NXPH1: variants seen among roughly 807,000 people sequenced by gnomAD.
The protein encoded by NXPH1 is neurexophilin 1, also known as neurexophilin-1.
Under a neutral mutation model 23.7 loss-of-function variants are expected in NXPH1, and 5 were observed. The observed-to-expected ratio is 0.21, with a 90% CI of 0.11 to 0.44. The LOEUF is 0.44. Among genes scored for constraint, NXPH1 ranks in the 20% least tolerant of loss-of-function variants. NXPH1 has a pLI of 0.99. For synonymous variants in NXPH1, 144 were observed against 122.2 expected (o/e 1.18, Z -1.18); for missense variants, 324 against 321.6 (o/e 1.01, Z -0.06).
At position 8,671,059 on chromosome 7, in the gene NXPH1, C is replaced by T. The variant is rs1400729761; in HGVS notation, c.55-79949C>T. On this transcript the variant is annotated intron_variant, in intron 2 of 2. Coordinates refer to ENST00000405863, the MANE Select transcript of NXPH1 (RefSeq NM_152745.3). ...CTGTGGACAGTTAAGACAGGCACTC[C>T]ACAGATACATACCATTCAACTCTAA... Among the ~76,000 whole-genome samples the T allele has an allele frequency of 3.3e-5, 5 of 152,250 alleles. No individual in the cohort carries two copies. In the East Asian group the frequency reaches 9.7e-4, roughly 29 times the overall value.
At chr7:8,542,361 C>T (rs1033842131) in intron 2 of NXPH1, among the ~76,000 whole-genome samples, 1 of 151,376 alleles carries the variant, frequency 6.6e-6, no homozygotes, top group Non-Finnish European at 1.5e-5. Context: ...ACTTTTATAG[C>T]AGTGAGAGAG....
chr7:8,604,939 A>G (rs1583187028), intron 2 of NXPH1, among the ~76,000 whole-genome samples: 2 of 152,190 alleles, frequency 1.3e-5, no homozygotes, highest in South Asian at 4.1e-4. Flanking sequence ...ATATGGAAAT[A>G]GTAACATGCT....
chr7:8,578,977 T>C (rs373195192), intron 2 of NXPH1, among the ~76,000 whole-genome samples: 85 of 152,244 alleles, frequency 5.6e-4, no homozygotes, highest in African/African-American at 1.8e-3. Flanking sequence ...CAGGTATGGA[T>C]GGAGCAGGAC....
At chr7:8,557,757 C>G (rs116420148) in intron 2 of NXPH1, among the ~76,000 whole-genome samples, 5 of 151,814 alleles carry the variant, frequency 3.3e-5, no homozygotes, top group African/African-American at 1.2e-4. Context: ...TCTCACATCA[C>G]TCATATACAG....
intron 2 of NXPH1, among the ~76,000 whole-genome samples, chr7:8,642,135 A>G (rs1389412286): frequency 6.6e-6 from 1 of 152,168 alleles, no homozygotes; most frequent in South Asian, 2.1e-4. Context: ...GAACCACCCA[A>G]TTAGCTTCCT....
intron 2 of NXPH1, 47 bp from the exon 3 acceptor site, chr7:8,750,961 T>C: frequency 6.4e-7 from 1 of 1,569,852 alleles, no homozygotes; most frequent in Non-Finnish European, 8.7e-7. Flanking sequence ...TTGGGTGTTA[T>C]TCTCAGATGC....
chr7:8,500,826 T>A (rs1485213442), intron 2 of NXPH1, among the ~76,000 whole-genome samples: 1 of 152,086 alleles, frequency 6.6e-6, no homozygotes. Flanking sequence ...ATGCAGGTCT[T>A]CTCAGTTGGT....
chr7:8,624,956 G>GTGGGGTAGGCTA (rs1375465169), intron 2 of NXPH1, among the ~76,000 whole-genome samples: 1 of 152,058 alleles, frequency 6.6e-6, no homozygotes, highest in African/African-American at 2.4e-5. Context: ...CCCTAAAAAA[G>GTGGGGTAGGCTA]TGGGGTAGGC....
chr7:8,465,540 C>G (rs1158205861), intron 2 of NXPH1, among the ~76,000 whole-genome samples: 1 of 152,104 alleles, frequency 6.6e-6, no homozygotes, highest in East Asian at 1.9e-4. Context: ...TCATATTGTG[C>G]TATTAGGCTC....
At chr7:8,535,943 C>A (rs1818019372) in intron 2 of NXPH1, among the ~76,000 whole-genome samples, 1 of 152,024 alleles carries the variant, frequency 6.6e-6, no homozygotes, top group Non-Finnish European at 1.5e-5. Flanking sequence ...ACCCAGGTAT[C>A]TCCTTTGCCT....
intron 2 of NXPH1, among the ~76,000 whole-genome samples, chr7:8,700,598 T>G (rs1032025629): frequency 1.3e-5 from 2 of 152,180 alleles, no homozygotes; most frequent in Non-Finnish European, 2.9e-5. Context: ...AAAAGCAGCA[T>G]TAGAGTACAA....
At chr7:8,699,641 A>G (rs763302398) in intron 2 of NXPH1, among the ~76,000 whole-genome samples, 1 of 152,160 alleles carries the variant, frequency 6.6e-6, no homozygotes, top group Non-Finnish European at 1.5e-5. Flanking sequence ...ATATCAACAC[A>G]TTGTGTACTA....
intron 2 of NXPH1, among the ~76,000 whole-genome samples, chr7:8,509,037 C>A (rs993158921): frequency 6.6e-6 from 1 of 151,956 alleles, no homozygotes; most frequent in South Asian, 2.1e-4. Context: ...TTTTAGATGA[C>A]CAAATTTGTC....
rs116080893 is a variant in NXPH1 at position 8,609,800 on chromosome 7, C to G, written c.55-141208C>G. ...TCTATTAATTTTAACATAACAGAGA[C>G]TGCAGTTCCCTTATATTTTGCTGTT... On this transcript the variant is annotated intron_variant, in intron 2 of 2. Coordinates refer to ENST00000405863, the MANE Select transcript of NXPH1 (RefSeq NM_152745.3). 4.0e-3 allele frequency among the ~76,000 whole-genome samples: 616 copies of G among 152,256 alleles called. 4 individuals are homozygous for G. Among genetic ancestry groups the G allele is most frequent in the African/African-American group, 0.014 (585 of 41,566 alleles).
At chr7:8,526,089 A>G (rs1015751842) in intron 2 of NXPH1, among the ~76,000 whole-genome samples, 18 of 152,176 alleles carry the variant, frequency 1.2e-4, no homozygotes, top group African/African-American at 4.1e-4. Flanking sequence ...GAGAGGCTGT[A>G]TCCTGCAAAG....
At chr7:8,677,574 G>T (rs1258048151) in intron 2 of NXPH1, among the ~76,000 whole-genome samples, 3 of 152,108 alleles carry the variant, frequency 2.0e-5, no homozygotes, top group Non-Finnish European at 2.9e-5. Flanking sequence ...GATGATCAAG[G>T]TATTAGAATG....
intron 2 of NXPH1, among the ~76,000 whole-genome samples, chr7:8,504,059 C>G (rs923110973): frequency 6.6e-6 from 1 of 152,034 alleles, no homozygotes; most frequent in African/African-American, 2.4e-5. Flanking sequence ...TGCCCTGCCC[C>G]TGCTTCATTT....
intron 2 of NXPH1, among the ~76,000 whole-genome samples, chr7:8,731,600 G>T (rs572030277): frequency 2.0e-5 from 3 of 152,328 alleles, no homozygotes; most frequent in African/African-American, 7.2e-5. Context: ...GTACTCGGCT[G>T]TGTGAGGTGT....
intron 2 of NXPH1, among the ~76,000 whole-genome samples, chr7:8,712,715 A>C (rs1443079804): frequency 6.6e-6 from 1 of 152,214 alleles, no homozygotes; most frequent in African/African-American, 2.4e-5. Context: ...TATCAGCATG[A>C]ATAATTTTGC....
Sources: allele counts gnomAD v4.1 joint callset (sites outside exome capture counted in the v4.1 genomes callset), GRCh38; gene constraint gnomAD v4.1.1; transcripts MANE v1.5; gene names NCBI Gene and HGNC (gene_info 2026-07-23, HGNC 2026-07-21).